PLA2R1: variants seen among roughly 807,000 people sequenced by gnomAD.
PLA2R1 encodes secretory phospholipase A2 receptor.
Under a neutral mutation model 195.9 loss-of-function variants are expected in PLA2R1, and 158 were observed. The observed-to-expected ratio is 0.81, with a 90% CI of 0.71 to 0.92. The LOEUF (loss-of-function observed/expected upper bound fraction) is 0.92, where lower values mean the gene tolerates loss of function less well. Among genes scored for constraint, PLA2R1 ranks in the 40% least tolerant of loss-of-function variants. The pLI is 0.00. For synonymous variants in PLA2R1, 586 were observed against 598.2 expected, an observed-to-expected ratio of 0.98 and a Z score of 0.30; for missense variants, 1,626 against 1,764.6, an observed-to-expected ratio of 0.92 and a Z score of 1.41.
At position 160,062,481 on chromosome 2, in the gene PLA2R1, AC is replaced by A. The variant is rs1331566556; in HGVS notation, c.-79del. On this transcript the variant is annotated 5_prime_UTR_variant, in exon 1 of 30. Transcript: ENST00000283243. ...GGGAGCCCAGAGCCGCGTCCCAAGC[AC>A]CCGGCCCCGCCGCGCGGAAGCGGAT... 11 of 1,436,262 alleles carry A rather than the reference AC, an allele frequency of 7.7e-6. No individual in the cohort carries two copies. The East Asian group carries it at 3.2e-4, about 42-fold the overall frequency. The allele number at this position is 1,436,262 out of a possible 1,614,324, so 89.0% of individuals were successfully genotyped here.
intron 1 of PLA2R1, among the ~76,000 whole-genome samples, chr2:160,058,048 T>C (rs763284327): frequency 6.6e-6 from 1 of 152,060 alleles, no homozygotes; most frequent in Non-Finnish European, 1.5e-5. Context: ...TGGTCTGTGG[T>C]GGCTTTCTTC....
At chr2:159,983,514 G>C (rs1690112169) in intron 13 of PLA2R1, among the ~76,000 whole-genome samples, 1 of 150,216 alleles carries the variant, frequency 6.7e-6, no homozygotes, top group East Asian at 1.9e-4. Flanking sequence ...AAAATAATTA[G>C]CGGTGGAGCT....
chr2:160,043,717 A>T (rs951520953), intron 2 of PLA2R1, among the ~76,000 whole-genome samples: 12 of 152,156 alleles, frequency 7.9e-5, no homozygotes, highest in South Asian at 4.1e-4. Context: ...AAAGCAAAAT[A>T]TCAAGTTCCT....
In PLA2R1 at chr2:159,941,970, A is replaced by G; in HGVS notation, c.4200T>C (p.Pro1400=). The G allele has an allele frequency of 6.2e-7, 1 of 1,613,768 alleles. No individual in the cohort carries two copies. The highest frequency in any genetic ancestry group is 8.5e-7 in the Non-Finnish European group (1 of 1,179,690). Residue 1400 remains proline, a synonymous_variant, in exon 30 of 30, where the codon CCT becomes CCC. Coordinates refer to ENST00000283243, the MANE Select transcript of PLA2R1 (RefSeq NM_007366.5). ...PEKGPSHSII[P]LAVVLTLIVI... ...CTATCAGTGTCAGTACAACCGCAAGAGGAATGATGCTGTGACTTGGTCCTG... is the reference window on the plus strand; with the variant it reads ...CTATCAGTGTCAGTACAACCGCAAGGGGAATGATGCTGTGACTTGGTCCTG...
chr2:159,947,010 G>A (rs750391525), intron 26 of PLA2R1, 93 bp from the exon 27 acceptor site: 3 of 800,356 alleles, frequency 3.7e-6, no homozygotes, highest in Non-Finnish European at 5.9e-6. Flanking sequence ...TAAAGCTCAG[G>A]TTTTGAAAAG....
chr2:160,028,982 A>G lies in PLA2R1; in HGVS notation c.842-19T>C, dbSNP rs774501577. 4 of 1,352,222 alleles carry G rather than the reference A, an allele frequency of 3.0e-6. No homozygotes were observed. The highest frequency in any genetic ancestry group is 1.2e-5 in the South Asian group (1 of 86,256). The allele number at this position is 1,352,222 out of a possible 1,614,324, so 83.8% of individuals were successfully genotyped here. A position where few individuals can be genotyped will look rare whatever the true frequency, so the allele number is the denominator to read the frequency against. ...ATGTGCTCTGAAATGAAAATTATGGAGCTTCAAAAAAAAAATCCAGTGTTA... is the reference window on the plus strand; with the variant it reads ...ATGTGCTCTGAAATGAAAATTATGGGGCTTCAAAAAAAAAATCCAGTGTTA... On this transcript the variant is annotated intron_variant, in intron 4 of 29. Transcript: ENST00000283243.
chr2:159,989,600 G>C (rs937599806), intron 11 of PLA2R1, among the ~76,000 whole-genome samples: 1 of 152,114 alleles, frequency 6.6e-6, no homozygotes, highest in African/African-American at 2.4e-5. Context: ...ACCACAATAG[G>C]CCTTGTCTAA....
chr2:160,020,703 C>T (rs999450205), intron 7 of PLA2R1, among the ~76,000 whole-genome samples: 2 of 152,304 alleles, frequency 1.3e-5, no homozygotes, highest in East Asian at 1.9e-4. Context: ...TGCAGAGAAT[C>T]CCCACCAGCA....
rs1016780619 is a variant in PLA2R1 at position 159,940,129 on chromosome 2, C to G, written c.*1649G>C. On this transcript the variant is annotated 3_prime_UTR_variant, in exon 30 of 30. Transcript: ENST00000283243. ...TTTGCCTCTTAGAAATTCATTCATA[C>G]TTTCTCTCAGAGCTCCCCCTTGTGA... The G allele has an allele frequency of 1.3e-5, 2 of 152,110 alleles. No homozygotes were observed. The highest frequency in any genetic ancestry group is 4.8e-5 in the African/African-American group (2 of 41,442). 9.4% of individuals were successfully genotyped at this position (152,110 alleles called of 1,614,324 possible). A position where few individuals can be genotyped will look rare whatever the true frequency, so the allele number is the denominator to read the frequency against.
intron 20 of PLA2R1, among the ~76,000 whole-genome samples, chr2:159,964,034 A>G (rs960990541): frequency 1.3e-5 from 2 of 152,154 alleles, no homozygotes; most frequent in Non-Finnish European, 2.9e-5. Context: ...ACACACACAC[A>G]CGCCCGTGCC....
intron 25 of PLA2R1, among the ~76,000 whole-genome samples, chr2:159,949,244 C>T (rs553118533): frequency 6.6e-5 from 10 of 152,106 alleles, no homozygotes; most frequent in Non-Finnish European, 1.0e-4. Flanking sequence ...TAAGCCTCGT[C>T]CTGTCTTCCT....
rs1693217734 is a variant in PLA2R1 at position 160,022,657 on chromosome 2, G to A, written c.1294+8C>T. 3 of 1,548,652 alleles carry A rather than the reference G, an allele frequency of 1.9e-6. No individual in the cohort carries two copies. Among genetic ancestry groups the A allele is most frequent in the Non-Finnish European group, 2.6e-6 (3 of 1,140,016 alleles). On this transcript the variant is annotated splice_region_variant and intron_variant, in intron 7 of 29. Coordinates refer to ENST00000283243, the MANE Select transcript of PLA2R1 (RefSeq NM_007366.5). ...ATGCCTTTTAAACCAAAGGCAGCTG[G>A]GACTCACCATCTCCAAGGAGGGTTA... is the stretch of plus-strand genomic sequence containing the variant.
At chr2:160,005,317 C>T (rs1382841839) in intron 11 of PLA2R1, among the ~76,000 whole-genome samples, 1 of 152,106 alleles carries the variant, frequency 6.6e-6, no homozygotes, top group Non-Finnish European at 1.5e-5. Flanking sequence ...TGCCTGTGGT[C>T]CCAGCTACTG....
chr2:159,940,924 TAA>T lies in PLA2R1; in HGVS notation c.*852_*853del, dbSNP rs1340878013. 3 of 152,318 alleles carry T rather than the reference TAA, an allele frequency of 2.0e-5. No homozygotes were observed. Among genetic ancestry groups the T allele is most frequent in the African/African-American group, 7.2e-5 (3 of 41,584 alleles). 9.4% of individuals were successfully genotyped at this position (152,318 alleles called of 1,614,324 possible). On this transcript the variant is annotated 3_prime_UTR_variant, in exon 30 of 30. Coordinates refer to ENST00000283243, the MANE Select transcript of PLA2R1 (RefSeq NM_007366.5). ...GTTACATTTTATATCTTCCAGTTAT[TAA>T]GAGTGTTACATATTATTTTATATAT...
intron 1 of PLA2R1, among the ~76,000 whole-genome samples, chr2:160,053,787 T>C (rs963759434): frequency 1.3e-5 from 2 of 152,110 alleles, no homozygotes; most frequent in African/African-American, 4.8e-5. Flanking sequence ...TCCCGGGAGG[T>C]AGACAGGGGA....
chr2:159,983,574 C>A (rs980640579), intron 13 of PLA2R1, among the ~76,000 whole-genome samples: 1 of 151,800 alleles, frequency 6.6e-6, no homozygotes, highest in Non-Finnish European at 1.5e-5. Flanking sequence ...GCTCTGCCTA[C>A]GTGGCCCTCT....
At chr2:160,007,045 T>C (rs1473700668) in intron 10 of PLA2R1, among the ~76,000 whole-genome samples, 1 of 152,232 alleles carries the variant, frequency 6.6e-6, no homozygotes, top group Non-Finnish European at 1.5e-5. Flanking sequence ...CTTTAGTAAA[T>C]ATTTTCTGCA....
intron 1 of PLA2R1, among the ~76,000 whole-genome samples, chr2:160,060,849 T>A (rs577406553): frequency 6.6e-6 from 1 of 152,168 alleles, no homozygotes; most frequent in African/African-American, 2.4e-5. Context: ...CATTTTAAAA[T>A]GCAAAGGAAT....
Position 159,946,867 on chromosome 2 carries a change from C to CT in PLA2R1, c.3900dup (p.Glu1301ArgfsTer20). 1.2e-6 allele frequency: 2 copies of CT among 1,611,358 alleles called. No individual in the cohort carries two copies. Among genetic ancestry groups the CT allele is most frequent in the Non-Finnish European group, 1.7e-6 (2 of 1,179,054 alleles). On this transcript the variant is annotated frameshift_variant, in exon 27 of 30. Coordinates refer to ENST00000283243, the MANE Select transcript of PLA2R1 (RefSeq NM_007366.5). LOFTEE classifies it high-confidence loss of function. Reference sequence around the variant, plus strand: ...GAAGAACCAAAAGCAAACAGCTCTTCTAGGAGAAATGCATTTTCAGCCTCA... The same window carrying CT: ...GAAGAACCAAAAGCAAACAGCTCTTCTTAGGAGAAATGCATTTTCAGCCTCA...
Sources: gnomAD v4.1 joint callset for allele counts (sites outside exome capture counted in the v4.1 genomes callset) on GRCh38, gnomAD v4.1.1 for gene constraint, MANE v1.5 for transcripts, NCBI Gene and HGNC (gene_info 2026-07-23, HGNC 2026-07-21) for gene names.